The following IL1RAPL1 variants were observed in gnomAD, a reference collection of about 807,000 sequenced individuals.
IL1RAPL1 encodes interleukin 1 receptor accessory protein like 1.
In IL1RAPL1, 3 loss-of-function variants were observed where a neutral mutation model predicts 48.4. The ratio of observed to expected loss-of-function variants is 0.06; its 90% confidence interval spans 0.03 to 0.16. The LOEUF (loss-of-function observed/expected upper bound fraction) is 0.16. IL1RAPL1 is among the 10% of genes least tolerant of loss of function. The probability of loss-of-function intolerance (pLI) is 1.00; values close to 1 mark genes in which losing one functional copy is unlikely to be tolerated. For synonymous variants in IL1RAPL1, 185 were observed against 187.7 expected (o/e 0.99, Z 0.12); for missense variants, 349 against 530.6 (o/e 0.66, Z 3.36).
chrX:29,884,120 A>G (rs182533726), intron 6 of IL1RAPL1, among the ~76,000 whole-genome samples: 7 of 111,887 alleles, frequency 6.3e-5, no homozygotes, highest in African/African-American at 2.3e-4. Context: ...ATGATACCTG[A>G]TCTCATGATT....
intron 2 of IL1RAPL1, among the ~76,000 whole-genome samples, chrX:29,083,453 C>T (rs1262647035): frequency 1.8e-5 from 2 of 111,706 alleles, no homozygotes; most frequent in African/African-American, 3.3e-5. Context: ...CATTTCATGG[C>T]CAGCACCAAG....
intron 2 of IL1RAPL1, among the ~76,000 whole-genome samples, chrX:29,099,365 T>C (rs994684702): frequency 8.9e-6 from 1 of 112,178 alleles, no homozygotes; most frequent in South Asian, 3.7e-4. Flanking sequence ...AAATCAATTA[T>C]GTTTGATTAT....
rs112644563 is a variant in IL1RAPL1, at chrX:28,683,690, C to T, written c.-25+95643C>T. ...GTGAGAAGTCTGACATAGGTCTCAC[C>T]GGGCTAAAATCAAGGTATTGGTAGG... On this transcript the variant is annotated intron_variant, in intron 1 of 10. Coordinates refer to ENST00000378993, the MANE Select transcript of IL1RAPL1 (RefSeq NM_014271.4). Among the ~76,000 whole-genome samples, 715 of 112,156 alleles carry T rather than the reference C, an allele frequency of 6.4e-3. 11 individuals are homozygous for T. Among genetic ancestry groups the T allele is most frequent in the African/African-American group, 0.021 (661 of 30,886 alleles).
intron 2 of IL1RAPL1, among the ~76,000 whole-genome samples, chrX:28,853,699 GATTT>G (rs1369050936): frequency 9.0e-6 from 1 of 111,352 alleles, no homozygotes; most frequent in Non-Finnish European, 1.9e-5. Flanking sequence ...AAACAAATAT[GATTT>G]ATTTATTTAT....
At chrX:28,659,377 G>A in intron 1 of IL1RAPL1, 1 of 549,300 alleles carries the variant, frequency 1.8e-6, no homozygotes, top group Non-Finnish European at 3.3e-6. Context: ...CTCCAGTAGA[G>A]GGCGCACTCT....
intron 3 of IL1RAPL1, among the ~76,000 whole-genome samples, chrX:29,294,930 T>C (rs1049025241): frequency 3.6e-5 from 4 of 111,589 alleles, no homozygotes; most frequent in African/African-American, 1.3e-4. Flanking sequence ...CCAAGAAATA[T>C]CAAGCAGGGA....
At chrX:29,309,449 T>C (rs777401243) in intron 3 of IL1RAPL1, among the ~76,000 whole-genome samples, 30 of 111,526 alleles carry the variant, frequency 2.7e-4, no homozygotes, top group Non-Finnish European at 5.3e-4. Context: ...TCCAGGGATG[T>C]AGAAGATTTA....
At chrX:29,046,216 TAAAAA>T (rs60842211) in intron 2 of IL1RAPL1, among the ~76,000 whole-genome samples, 2 of 102,465 alleles carry the variant, frequency 2.0e-5, no homozygotes, top group South Asian at 8.7e-4. Flanking sequence ...ACTAGCTAAT[TAAAAA>T]AAAAAAAATT....
chrX:29,158,410 T>C (rs138637951), intron 2 of IL1RAPL1, among the ~76,000 whole-genome samples: 42 of 111,607 alleles, frequency 3.8e-4, no homozygotes, highest in African/African-American at 1.3e-3. Context: ...AGTCTCGCTC[T>C]ATCCCCCAGG....
At chrX:29,834,723 A>G (rs1279216989) in intron 6 of IL1RAPL1, among the ~76,000 whole-genome samples, 1 of 111,691 alleles carries the variant, frequency 9.0e-6, no homozygotes, top group Non-Finnish European at 1.9e-5. Context: ...TCCTCCATTC[A>G]TGCTACATGA....
chrX:29,490,502 C>T (rs1161293238), intron 5 of IL1RAPL1, among the ~76,000 whole-genome samples: 1 of 111,306 alleles, frequency 9.0e-6, no homozygotes, highest in Admixed American at 9.5e-5. Flanking sequence ...CACTGCACTC[C>T]AACCTGGGTG....
At chrX:29,198,132 A>T (rs1212792630) in intron 2 of IL1RAPL1, among the ~76,000 whole-genome samples, 2 of 111,586 alleles carry the variant, frequency 1.8e-5, no homozygotes, top group African/African-American at 6.5e-5. Context: ...ATAGAGATTT[A>T]TGAACCACTC....
intron 2 of IL1RAPL1, among the ~76,000 whole-genome samples, chrX:29,182,194 T>C: frequency 9.0e-6 from 1 of 110,959 alleles, no homozygotes; most frequent in East Asian, 2.8e-4. Flanking sequence ...ATTTAATCAA[T>C]CATGCCTATG....
chrX:29,240,217 TATATA>T (rs1462401537), intron 2 of IL1RAPL1, among the ~76,000 whole-genome samples: 24 of 24,356 alleles, frequency 9.9e-4, no homozygotes, highest in East Asian at 3.3e-3. Flanking sequence ...TATATATATA[TATATA>T]TATTTTTTTT....
rs762796449 is a variant in IL1RAPL1 at position 29,022,201 on chromosome X, C to T, written c.82+232776C>T. Among the ~76,000 whole-genome samples, 25 of 111,136 alleles carry T rather than the reference C, an allele frequency of 2.2e-4. No individual in the cohort carries two copies. The East Asian group carries it at 4.5e-3, about 20-fold the overall frequency. On this transcript the variant is annotated intron_variant, in intron 2 of 10. Coordinates refer to ENST00000378993, the MANE Select transcript of IL1RAPL1 (RefSeq NM_014271.4). ...CTGCACCTTTCTTCCAGTTGAATTT[C>T]GCCCCAACCCTCATGAGAGTCCTCT...
intron 2 of IL1RAPL1, among the ~76,000 whole-genome samples, chrX:29,057,931 C>G (rs1183897282): frequency 9.0e-6 from 1 of 111,530 alleles, no homozygotes; most frequent in Admixed American, 9.6e-5. Flanking sequence ...AAACCCTGTT[C>G]CCTATTTAAG....
At chrX:28,732,517 T>A (rs1935768698) in intron 1 of IL1RAPL1, among the ~76,000 whole-genome samples, 1 of 112,081 alleles carries the variant, frequency 8.9e-6, no homozygotes, top group Admixed American at 9.5e-5. Context: ...TGAAAGGGAT[T>A]TTATAAAAAC....
chrX:29,242,647 G>A (rs948437932), intron 2 of IL1RAPL1, among the ~76,000 whole-genome samples: 2 of 112,288 alleles, frequency 1.8e-5, no homozygotes, highest in South Asian at 3.6e-4. Context: ...GCTAGTATGC[G>A]TGATAAAATG....
chrX:29,864,842 A>C (rs1227738544), intron 6 of IL1RAPL1, among the ~76,000 whole-genome samples: 1 of 112,212 alleles, frequency 8.9e-6, no homozygotes, highest in Non-Finnish European at 1.9e-5. Flanking sequence ...GTCTAAAGAA[A>C]AATTTGCTGT....
Sources: allele counts gnomAD v4.1 joint callset (sites outside exome capture counted in the v4.1 genomes callset), GRCh38; gene constraint gnomAD v4.1.1; transcripts MANE v1.5; gene names NCBI Gene and HGNC (gene_info 2026-07-23, HGNC 2026-07-21).